The following ERC2 variants were observed in gnomAD, a reference collection of about 807,000 sequenced individuals.
The protein encoded by ERC2 is ERC protein 2.
In ERC2, 42 loss-of-function variants were observed where a neutral mutation model predicts 114.8. The observed-to-expected ratio is 0.37, with a 90% confidence interval of 0.29 to 0.47. ERC2 has a LOEUF of 0.47. ERC2 is among the 20% of genes least tolerant of loss of function. The pLI, the probability that ERC2 is intolerant of heterozygous loss-of-function variation, is 0.99. For synonymous variants in ERC2, 454 were observed against 425.5 expected (o/e 1.07, Z -0.82); for missense variants, 939 against 1,150.7 (o/e 0.82, Z 2.66).
intron 12 of ERC2, among the ~76,000 whole-genome samples, chr3:55,956,488 A>T (rs1241002061): frequency 6.6e-6 from 1 of 152,182 alleles, no homozygotes; most frequent in Non-Finnish European, 1.5e-5. Flanking sequence ...ACTCCAGCAA[A>T]GCTATAAATT....
At chr3:55,567,840 C>A (rs948272524) in intron 17 of ERC2, among the ~76,000 whole-genome samples, 1 of 152,146 alleles carries the variant, frequency 6.6e-6, no homozygotes, top group Non-Finnish European at 1.5e-5. Context: ...AGTGAAGTAA[C>A]AGACAGCAGC....
chr3:56,414,242 C>G (rs545122183), intron 2 of ERC2, among the ~76,000 whole-genome samples: 6 of 152,164 alleles, frequency 3.9e-5, no homozygotes, highest in Admixed American at 2.0e-4. Flanking sequence ...TTGTTCCACT[C>G]GAGGCCAGGC....
chr3:56,438,543 TA>T (rs2062135422), intron 1 of ERC2, among the ~76,000 whole-genome samples: 1 of 151,158 alleles, frequency 6.6e-6, no homozygotes, highest in African/African-American at 2.4e-5. Flanking sequence ...GGTAACATAA[TA>T]ATGATATATA....
At chr3:56,146,196 A>C (rs933918622) in intron 5 of ERC2, among the ~76,000 whole-genome samples, 1 of 152,088 alleles carries the variant, frequency 6.6e-6, no homozygotes, top group African/African-American at 2.4e-5. Context: ...GCTGGGTGGG[A>C]GAATTGGTTG....
intron 4 of ERC2, among the ~76,000 whole-genome samples, chr3:56,166,589 A>G (rs2082335902): frequency 6.6e-6 from 1 of 152,022 alleles, no homozygotes. Context: ...ATATAAGACT[A>G]CTCAGATATT....
chr3:56,313,003 T>A (rs1484121972), intron 2 of ERC2, among the ~76,000 whole-genome samples: 2 of 96,534 alleles, frequency 2.1e-5, no homozygotes, highest in African/African-American at 7.8e-5. Flanking sequence ...TGTATATTCA[T>A]ATATATATAT....
At chr3:56,104,279 A>G (rs1343618000) in intron 6 of ERC2, among the ~76,000 whole-genome samples, 1 of 152,214 alleles carries the variant, frequency 6.6e-6, no homozygotes, top group East Asian at 1.9e-4. Context: ...TGTCTTATCA[A>G]TCACAGTTTA....
In ERC2 at chr3:55,515,118, T is replaced by C. The variant is rs565138935; in HGVS notation, c.*40-3842A>G. On this transcript the variant is annotated intron_variant, in intron 17 of 17. Coordinates refer to ENST00000288221, the MANE Select transcript of ERC2 (RefSeq NM_015576.3). ...GAAGAAAAGGAACGGGGAACTGTGA[T>C]AGGGATGCCTAAGATTTATTAAGTG... Among the ~76,000 whole-genome samples the C allele has an allele frequency of 9.8e-5, 15 of 152,320 alleles. No homozygotes were observed. In the East Asian group the frequency reaches 2.1e-3, roughly 22 times the overall value.
In ERC2 at chr3:56,004,757, T is replaced by C. The variant is rs554463876; in HGVS notation, c.2061+2424A>G. Reference sequence around the variant, plus strand: ...AAAATTCCATTGGGAATTTTTGGTGTATTTATGACATAATAAAACTATTAT... The same window carrying C: ...AAAATTCCATTGGGAATTTTTGGTGCATTTATGACATAATAAAACTATTAT... On this transcript the variant is annotated intron_variant, in intron 10 of 17. Coordinates refer to ENST00000288221, the MANE Select transcript of ERC2 (RefSeq NM_015576.3). Among the ~76,000 whole-genome samples the C allele has an allele frequency of 2.0e-5, 3 of 152,142 alleles. No homozygotes were observed. The South Asian group carries it at 6.2e-4, about 32-fold the overall frequency.
intron 17 of ERC2, among the ~76,000 whole-genome samples, chr3:55,576,816 A>T (rs1018970208): frequency 6.6e-6 from 1 of 152,262 alleles, no homozygotes; most frequent in African/African-American, 2.4e-5. Context: ...CAAAGTGGCA[A>T]CAAGAGTCAG....
Position 55,681,541 on chromosome 3 carries a change from C to T in ERC2, c.*39+2253G>A, listed in dbSNP as rs527672057. Among the ~76,000 whole-genome samples, 12 of 152,214 alleles carry T rather than the reference C, an allele frequency of 7.9e-5. No individual in the cohort carries two copies. The East Asian group carries it at 2.3e-3, about 29-fold the overall frequency. On this transcript the variant is annotated intron_variant, in intron 17 of 17. Coordinates refer to ENST00000288221, the MANE Select transcript of ERC2 (RefSeq NM_015576.3). ...AACGGCTGCTCAAAAACAGAAGGTT[C>T]CCCCAGTATCTCATTATTTAAATCC...
intron 2 of ERC2, among the ~76,000 whole-genome samples, chr3:56,398,073 C>G (rs1020424786): frequency 2.0e-5 from 3 of 152,180 alleles, no homozygotes; most frequent in African/African-American, 7.2e-5. Context: ...TTACTCCAGA[C>G]AGCTATGTGC....
chr3:56,049,072 G>C (rs572366697), intron 7 of ERC2, among the ~76,000 whole-genome samples: 1 of 152,146 alleles, frequency 6.6e-6, no homozygotes, highest in Non-Finnish European at 1.5e-5. Context: ...CAGTACAGAG[G>C]AGGCCAGTAA....
chr3:55,909,890 T>C (rs532905718), intron 13 of ERC2, among the ~76,000 whole-genome samples: 24 of 152,286 alleles, frequency 1.6e-4, no homozygotes, highest in South Asian at 6.2e-4. Context: ...ATGGGATAAA[T>C]TTGGCCAATG....
At chr3:56,177,003 A>G (rs2150033714) in intron 3 of ERC2, among the ~76,000 whole-genome samples, 1 of 152,326 alleles carries the variant, frequency 6.6e-6, no homozygotes, top group South Asian at 2.1e-4. Flanking sequence ...TCAATATCCA[A>G]GAAGATGGTG....
intron 12 of ERC2, among the ~76,000 whole-genome samples, chr3:55,982,645 G>T (rs187885182): frequency 6.6e-6 from 1 of 151,856 alleles, no homozygotes; most frequent in Non-Finnish European, 1.5e-5. Flanking sequence ...TCAGTTTTTC[G>T]TCAGGTATTT....
intron 12 of ERC2, among the ~76,000 whole-genome samples, chr3:55,979,776 C>CAA (rs763879098): frequency 2.7e-4 from 33 of 124,036 alleles, no homozygotes; most frequent in Admixed American, 2.1e-3. Context: ...CCCACCTCTG[C>CAA]AAAAAAAAAA....
chr3:56,395,648 C>G (rs1413071556), intron 2 of ERC2, among the ~76,000 whole-genome samples: 1 of 152,130 alleles, frequency 6.6e-6, no homozygotes, highest in Non-Finnish European at 1.5e-5. Flanking sequence ...TCCTGTTGGC[C>G]CTCTGCAATG....
chr3:55,589,215 CA>C lies in ERC2; in HGVS notation c.*40-77940del, dbSNP rs5849104. ...CAACACAGTGAAACCCAGTCACTAC[CA>C]AAAAAAAAAAAAAAAAAAGAGAGAG... On this transcript the variant is annotated intron_variant, in intron 17 of 17. Coordinates refer to ENST00000288221, the MANE Select transcript of ERC2 (RefSeq NM_015576.3). Among the ~76,000 whole-genome samples the C allele has an allele frequency of 2.9e-3, 291 of 99,806 alleles. 1 individual carries two copies. Among genetic ancestry groups the C allele is most frequent in the African/African-American group, 8.7e-3 (226 of 26,092 alleles). The allele number at this position is 99,806 out of a possible 152,430, so 65.5% of individuals were successfully genotyped here. A position where few individuals can be genotyped will look rare whatever the true frequency, so the allele number is the denominator to read the frequency against.
Sources: gnomAD v4.1 joint callset for allele counts (sites outside exome capture counted in the v4.1 genomes callset) on GRCh38, gnomAD v4.1.1 for gene constraint, MANE v1.5 for transcripts, NCBI Gene and HGNC (gene_info 2026-07-23, HGNC 2026-07-21) for gene names.